Variants in ZFHX3 observed in about 807,000 individuals in gnomAD.
ZFHX3 encodes the protein zinc finger homeobox protein 3.
In ZFHX3, 42 loss-of-function variants were observed where a neutral mutation model predicts 279.1. The ratio of observed to expected loss-of-function variants is 0.15; its 90% CI spans 0.12 to 0.19. ZFHX3 has a LOEUF of 0.19. Ranked by LOEUF, ZFHX3 falls within the 10% of genes least tolerant of loss-of-function variation. The pLI is 1.00. For synonymous variants in ZFHX3, 2,293 were observed against 1,957.8 expected (o/e 1.17, Z -4.52); for missense variants, 4,981 against 4,754.0 (o/e 1.05, Z -1.40).
At chr16:73,182,920 T>C (rs1158096416) in intron 5 of ZFHX3, among the ~76,000 whole-genome samples, 3 of 151,388 alleles carry the variant, frequency 2.0e-5, no homozygotes, top group Non-Finnish European at 4.4e-5. Flanking sequence ...AATTACCTCT[T>C]GGGGCCGGGC....
At chr16:73,586,458 A>C (rs969848916) in intron 2 of ZFHX3, among the ~76,000 whole-genome samples, 16 of 152,012 alleles carry the variant, frequency 1.1e-4, no homozygotes, top group Non-Finnish European at 1.0e-4. Context: ...GAGGTAAAAA[A>C]AAAAAACCAT....
chr16:73,036,637 C>G (rs1964917357), intron 1 of ZFHX3, among the ~76,000 whole-genome samples: 1 of 151,228 alleles, frequency 6.6e-6, no homozygotes, highest in South Asian at 2.1e-4. Context: ...GAGGGGCCGG[C>G]AGGAGAGAGG....
At chr16:73,792,066 G>C (rs568638747) in intron 1 of ZFHX3, among the ~76,000 whole-genome samples, 4 of 152,282 alleles carry the variant, frequency 2.6e-5, no homozygotes, top group Admixed American at 2.6e-4. Flanking sequence ...ATCCAGGTGT[G>C]TTCTGACCTG....
intron 4 of ZFHX3, among the ~76,000 whole-genome samples, chr16:73,292,454 T>C (rs1335121695): frequency 6.6e-6 from 1 of 152,200 alleles, no homozygotes; most frequent in Non-Finnish European, 1.5e-5. Context: ...ACATTGTGAG[T>C]TATTTTATAG....
chr16:73,047,594 C>T (rs1965344836), intron 1 of ZFHX3, among the ~76,000 whole-genome samples, 158 bp downstream of exon 1: 1 of 152,162 alleles, frequency 6.6e-6, no homozygotes, highest in Non-Finnish European at 1.5e-5. Context: ...TAGGCGCTCT[C>T]ACCCTAGGTA....
At position 72,788,468 on chromosome 16, in the gene ZFHX3, C is replaced by T. The variant is rs1451348801; in HGVS notation, c.9808G>A (p.Ala3270Thr). 6.2e-7 allele frequency: 1 copy of T among 1,614,090 alleles called. No individual in the cohort carries two copies. Among genetic ancestry groups the T allele is most frequent in the African/African-American group, 1.3e-5 (1 of 74,932 alleles). Residue 3270 changes from alanine (A) to threonine (T), a missense_variant, in exon 10 of 10, where the codon GCC becomes ACC. Around this residue, in one of 7 missense-constraint regions of ZFHX3, gnomAD observed 1,034 missense variants for 786.0 expected, o/e 1.32. Transcript: ENST00000268489. ...EKGEAPTATAATISAPLPTME... is the reference protein window; with the variant it reads ...EKGEAPTATATTISAPLPTME... Reference sequence around the variant, plus strand: ...GTGGGCAGCGGGGCTGAGATCGTGGCTGCAGTTGCCGTGGGGGCCTCTCCT... The same window carrying T: ...GTGGGCAGCGGGGCTGAGATCGTGGTTGCAGTTGCCGTGGGGGCCTCTCCT...
At chr16:73,702,920 C>G (rs1407820490) in intron 1 of ZFHX3, among the ~76,000 whole-genome samples, 1 of 152,148 alleles carries the variant, frequency 6.6e-6, no homozygotes, top group Non-Finnish European at 1.5e-5. Context: ...AAATGAACCT[C>G]ATAACTACCT....
intron 1 of ZFHX3, among the ~76,000 whole-genome samples, chr16:73,029,359 C>T (rs1427418079): frequency 6.6e-6 from 1 of 152,158 alleles, no homozygotes; most frequent in East Asian, 1.9e-4. Context: ...GAGAAACGCT[C>T]CTTGGTCACA....
intron 3 of ZFHX3, among the ~76,000 whole-genome samples, chr16:72,912,671 T>C (rs979839422): frequency 1.3e-5 from 2 of 152,036 alleles, no homozygotes; most frequent in Non-Finnish European, 2.9e-5. Context: ...GGAGCAGGGA[T>C]GGGGCTTGCA....
At chr16:73,807,377 A>G (rs894815660) in intron 1 of ZFHX3, among the ~76,000 whole-genome samples, 1 of 152,100 alleles carries the variant, frequency 6.6e-6, no homozygotes, top group Non-Finnish European at 1.5e-5. Context: ...ATCCACTGAT[A>G]GCCAAATTTA....
At chr16:73,497,505 CA>C (rs1016831071) in intron 2 of ZFHX3, among the ~76,000 whole-genome samples, 3 of 151,992 alleles carry the variant, frequency 2.0e-5, no homozygotes, top group East Asian at 1.9e-4. Flanking sequence ...CCAATCTCTA[CA>C]AAAAATTTTA....
chr16:73,531,826 T>C (rs1413797820), intron 2 of ZFHX3, among the ~76,000 whole-genome samples: 3 of 151,032 alleles, frequency 2.0e-5, no homozygotes, highest in Non-Finnish European at 4.4e-5. Context: ...CAGTGGTTCA[T>C]ACCTGTAATC....
At chr16:73,517,186 C>T (rs1053748406) in intron 2 of ZFHX3, among the ~76,000 whole-genome samples, 4 of 152,104 alleles carry the variant, frequency 2.6e-5, no homozygotes, top group Admixed American at 6.6e-5. Flanking sequence ...ATTGTTCTAC[C>T]GTCCATCACC....
At chr16:73,226,533 G>A (rs1466716740) in intron 5 of ZFHX3, among the ~76,000 whole-genome samples, 1 of 152,208 alleles carries the variant, frequency 6.6e-6, no homozygotes, top group Non-Finnish European at 1.5e-5. Context: ...GAAATATTAG[G>A]CATATGTGTC....
At chr16:73,806,871 G>C (rs1960290811) in intron 1 of ZFHX3, among the ~76,000 whole-genome samples, 1 of 152,134 alleles carries the variant, frequency 6.6e-6, no homozygotes. Flanking sequence ...GTGGTTATTG[G>C]CTGTGAACTA....
At chr16:73,787,019 G>C (rs942729469) in intron 1 of ZFHX3, among the ~76,000 whole-genome samples, 9 of 152,116 alleles carry the variant, frequency 5.9e-5, no homozygotes, top group Admixed American at 4.6e-4. Flanking sequence ...TAGAATTTTA[G>C]TGACATTTCT....
chr16:73,861,577 C>A (rs937017625), intron 1 of ZFHX3, among the ~76,000 whole-genome samples: 3 of 152,098 alleles, frequency 2.0e-5, no homozygotes, highest in African/African-American at 7.2e-5. Context: ...TGCAATTGCA[C>A]GTTGTTTATC....
chr16:73,747,346 GCA>G (rs1206389408), intron 1 of ZFHX3, among the ~76,000 whole-genome samples: 1 of 152,136 alleles, frequency 6.6e-6, no homozygotes, highest in East Asian at 1.9e-4. Context: ...TTGTACCACT[GCA>G]CTTAAGCCTA....
At position 73,656,932 on chromosome 16, in the gene ZFHX3, G is replaced by A. The variant is rs889384510; in HGVS notation, c.-1547+23248C>T. Among the ~76,000 whole-genome samples the A allele has an allele frequency of 3.9e-5, 6 of 152,296 alleles. No homozygotes were observed. The East Asian group carries it at 9.6e-4, about 24-fold the overall frequency. ...TAAACTATTTTTCTTTTCTAGAAATGCAAATCCTGGGATAGAATGCCAGTG... is the reference window on the plus strand; with the variant it reads ...TAAACTATTTTTCTTTTCTAGAAATACAAATCCTGGGATAGAATGCCAGTG... On this transcript the variant is annotated intron_variant, in intron 2 of 17. Coordinates refer to the ZFHX3 transcript ENST00000641206.
Sources: gnomAD v4.1 joint callset for allele counts (sites outside exome capture counted in the v4.1 genomes callset) on GRCh38, gnomAD v4.1.1 for gene constraint, gnomAD v4.1.1 regional missense constraint, MANE v1.5 for transcripts, NCBI Gene and HGNC (gene_info 2026-07-23, HGNC 2026-07-21) for gene names.